The following THSD4 variants were observed in gnomAD, a reference collection of about 807,000 sequenced individuals.
THSD4 encodes thrombospondin type-1 domain-containing protein 4.
Under a neutral mutation model 119.0 loss-of-function variants are expected in THSD4, and 69 were observed. The observed-to-expected ratio is 0.58, with a 90% CI of 0.48 to 0.71. The LOEUF (loss-of-function observed/expected upper bound fraction) is 0.71. Among genes scored for constraint, THSD4 ranks in the 30% least tolerant of loss-of-function variants. The pLI is 0.00. For missense variants in THSD4, 1,393 were observed against 1,391.1 expected, an observed-to-expected ratio of 1.00 and a Z score of -0.02; for synonymous variants, 524 against 540.4, an observed-to-expected ratio of 0.97 and a Z score of 0.42.
intron 7 of THSD4, among the ~76,000 whole-genome samples, chr15:71,532,224 C>T (rs1250198253): frequency 1.3e-5 from 2 of 148,296 alleles, no homozygotes; most frequent in East Asian, 4.0e-4. Flanking sequence ...TCAGCAATGC[C>T]AACACTAAAC....
At chr15:71,511,706 T>A (rs1762169055) in intron 7 of THSD4, among the ~76,000 whole-genome samples, 1 of 152,246 alleles carries the variant, frequency 6.6e-6, no homozygotes, top group Admixed American at 6.5e-5. Flanking sequence ...TGATTGTATT[T>A]CTTGTCATAT....
chr15:71,690,165 G>A (rs1333000870), intron 8 of THSD4, among the ~76,000 whole-genome samples: 2 of 152,222 alleles, frequency 1.3e-5, no homozygotes, highest in African/African-American at 4.8e-5. Context: ...CCTTGCCTTT[G>A]GCTCTGGCCC....
In THSD4 at chr15:71,125,623, G is replaced by C. The variant is rs1285118292; in HGVS notation, c.-80+9925G>C. ...GCTGAGACCGCGGCTGGCCAGCCAG[G>C]GCCAGAGGGAGGCCCCAGGTCCGAA... On this transcript the variant is annotated intron_variant, in intron 1 of 17. Transcript: ENST00000261862. Among the ~76,000 whole-genome samples, 8 of 152,330 alleles carry C rather than the reference G, an allele frequency of 5.3e-5. No individual in the cohort carries two copies. The East Asian group carries it at 1.5e-3, about 29-fold the overall frequency.
chr15:71,625,933 A>G (rs2050500842), intron 7 of THSD4, among the ~76,000 whole-genome samples: 1 of 152,218 alleles, frequency 6.6e-6, no homozygotes, highest in Non-Finnish European at 1.5e-5. Flanking sequence ...ACTCTGCAGG[A>G]TTAGAAATGG....
At chr15:71,745,714 C>T (rs919334999) in intron 12 of THSD4, among the ~76,000 whole-genome samples, 9 of 152,306 alleles carry the variant, frequency 5.9e-5, no homozygotes, top group East Asian at 1.9e-4. Context: ...TGCAGTGGCA[C>T]GATCTCAGCA....
intron 6 of THSD4, among the ~76,000 whole-genome samples, chr15:71,323,026 G>T (rs756221595): frequency 2.0e-5 from 3 of 150,870 alleles, no homozygotes; most frequent in Non-Finnish European, 4.4e-5. Context: ...GAGCCTGGGA[G>T]GTTGAGGCTG....
chr15:71,535,639 C>T (rs1595865756), intron 7 of THSD4, among the ~76,000 whole-genome samples: 1 of 152,180 alleles, frequency 6.6e-6, no homozygotes, highest in Admixed American at 6.5e-5. Flanking sequence ...TTGTTATCAC[C>T]TGTGTATTTG....
chr15:71,667,181 T>G (rs2051433397), intron 8 of THSD4, among the ~76,000 whole-genome samples: 1 of 152,238 alleles, frequency 6.6e-6, no homozygotes, highest in African/African-American at 2.4e-5. Flanking sequence ...TGGGAAAGAC[T>G]TTAGAACTCC....
rs1019157590 is a variant in THSD4, at chr15:71,243,232, C to G, written c.912+136C>G. On this transcript the variant is annotated intron_variant, in intron 5 of 17. Transcript: ENST00000261862. ...ACACACCTTTTAATCTTCCTCCTTT[C>G]TCTTTGCTTTCCATGTATTCTCCCT... The G allele has an allele frequency of 6.5e-5, 58 of 894,766 alleles. 1 individual carries two copies. The highest frequency in any genetic ancestry group is 8.6e-5 in the Non-Finnish European group (52 of 603,698). The allele number at this position is 894,766 out of a possible 1,614,324, so 55.4% of individuals were successfully genotyped here.
At position 71,565,986 on chromosome 15, in the gene THSD4, A is replaced by G. The variant is rs1338094697; in HGVS notation, c.1153-94544A>G. Among the ~76,000 whole-genome samples the G allele has an allele frequency of 3.3e-5, 5 of 152,126 alleles. No homozygotes were observed. In the East Asian group the frequency reaches 7.7e-4, roughly 24 times the overall value. Reference sequence around the variant, plus strand: ...CCAGAGGCTCCTAGAATTGAAACCAACTAAAGACCTGAAAGGGCACTCCAA... The same window carrying G: ...CCAGAGGCTCCTAGAATTGAAACCAGCTAAAGACCTGAAAGGGCACTCCAA... On this transcript the variant is annotated intron_variant, in intron 7 of 17. Coordinates refer to ENST00000261862, the MANE Select transcript of THSD4 (RefSeq NM_024817.3).
intron 7 of THSD4, among the ~76,000 whole-genome samples, chr15:71,566,739 CT>C (rs2049247817): frequency 6.6e-6 from 1 of 151,890 alleles, no homozygotes; most frequent in Admixed American, 6.6e-5. Flanking sequence ...AGGGCCCCCC[CT>C]CTTTCCCCCT....
At chr15:71,221,170 T>C (rs867525745) in intron 4 of THSD4, among the ~76,000 whole-genome samples, 3 of 152,118 alleles carry the variant, frequency 2.0e-5, no homozygotes, top group Non-Finnish European at 2.9e-5. Context: ...TCCCCCTCAG[T>C]TTCTGGAAAT....
chr15:71,432,524 CTT>C (rs59086141), intron 7 of THSD4, among the ~76,000 whole-genome samples: 5,377 of 129,936 alleles, frequency 0.041, 249 homozygotes, highest in African/African-American at 0.12. Flanking sequence ...TCCCTCCCTT[CTT>C]TTTTTTTTTT....
chr15:71,151,547 G>A (rs925592767), intron 2 of THSD4, among the ~76,000 whole-genome samples: 2 of 152,160 alleles, frequency 1.3e-5, no homozygotes, highest in Non-Finnish European at 2.9e-5. Flanking sequence ...TTACAGATGA[G>A]GAAACTGAGG....
chr15:71,759,619 G>A (rs968625446), intron 15 of THSD4, among the ~76,000 whole-genome samples: 8 of 152,168 alleles, frequency 5.3e-5, no homozygotes, highest in South Asian at 2.1e-4. Flanking sequence ...ATTCAGCAGC[G>A]ACTGTATATA....
intron 7 of THSD4, among the ~76,000 whole-genome samples, chr15:71,538,491 G>T (rs1427877719): frequency 6.6e-6 from 1 of 152,160 alleles, no homozygotes; most frequent in Non-Finnish European, 1.5e-5. Context: ...CTATGTTTTA[G>T]TATCTGACAG....
At chr15:71,142,168 C>T (rs2040610983) in intron 2 of THSD4, among the ~76,000 whole-genome samples, 1 of 152,124 alleles carries the variant, frequency 6.6e-6, no homozygotes, top group Admixed American at 6.5e-5. Context: ...CTCTCTTGTC[C>T]CTTATGTACA....
intron 6 of THSD4, among the ~76,000 whole-genome samples, chr15:71,257,042 G>A (rs370404326): frequency 5.9e-5 from 9 of 152,180 alleles, no homozygotes; most frequent in East Asian, 1.9e-4. Context: ...GTTGTGAGCC[G>A]TGAGTGCAGA....
chr15:71,668,719 T>G (rs4238445), intron 8 of THSD4, among the ~76,000 whole-genome samples: 148,054 of 152,300 alleles, frequency 0.97, 72,085 homozygotes, highest in East Asian at 1. Flanking sequence ...AACTTAGCCT[T>G]TTAACAAACT....
Sources: gnomAD v4.1 joint callset for allele counts (sites outside exome capture counted in the v4.1 genomes callset) on GRCh38, gnomAD v4.1.1 for gene constraint, MANE v1.5 for transcripts, NCBI Gene and HGNC (gene_info 2026-07-23, HGNC 2026-07-21) for gene names.